ZDHHC23: variants seen among roughly 807,000 people sequenced by gnomAD.
The protein encoded by ZDHHC23 is palmitoyltransferase ZDHHC23.
In ZDHHC23, 41 loss-of-function variants were observed where a neutral mutation model predicts 40.2. The observed-to-expected ratio is 1.02, with a 90% CI of 0.79 to 1.32. ZDHHC23 has a LOEUF of 1.32. ZDHHC23 is among the 40% of genes most tolerant of loss of function. The probability of loss-of-function intolerance (pLI) is 0.00; values close to 1 mark genes in which losing one functional copy is unlikely to be tolerated. For missense variants in ZDHHC23, 471 were observed against 541.5 expected (o/e 0.87, Z 1.29); for synonymous variants, 204 against 210.2 (o/e 0.97, Z 0.26).
the ZDHHC23 span, among the ~76,000 whole-genome samples, chr3:113,970,874 A>G: frequency 6.6e-6 from 1 of 152,008 alleles, no homozygotes; most frequent in Non-Finnish European, 1.5e-5. Flanking sequence ...AGCTTCATCC[A>G]TGTCCCTACA....
At position 113,962,235 on chromosome 3, in the gene ZDHHC23, C is replaced by T. The variant is rs1176681340; in HGVS notation, c.*3605C>T. The T allele has an allele frequency of 6.6e-6, 1 of 152,194 alleles. No individual in the cohort carries two copies. Among genetic ancestry groups the T allele is most frequent in the Non-Finnish European group, 1.5e-5 (1 of 68,032 alleles). The allele number at this position is 152,194 out of a possible 1,614,324, so 9.4% of individuals were successfully genotyped here. ...CTACTGAGTACGATTCAGTATGTTC[C>T]TGTGGATGTCTGCTGTGACTAATAT... On this transcript the variant is annotated 3_prime_UTR_variant, in exon 5 of 5. Coordinates refer to ENST00000638807, the MANE Select transcript of ZDHHC23 (RefSeq NM_001320466.2).
downstream of ZDHHC23, among the ~76,000 whole-genome samples, chr3:113,969,545 C>G (rs979172967): frequency 2.0e-5 from 3 of 152,130 alleles, no homozygotes; most frequent in Admixed American, 2.0e-4. Context: ...AGAAAGGGGT[C>G]TCATTTCATT....
In ZDHHC23 at chr3:113,956,320, T is replaced by C; in HGVS notation, c.873-19T>C. On this transcript the variant is annotated intron_variant, in intron 3 of 4. Transcript: ENST00000638807. ...CTTAAAAATGTGTTTGCTTTTTTATTTCTCTATGCTGTTTTGAGGATAAAT... is the reference window on the plus strand; with the variant it reads ...CTTAAAAATGTGTTTGCTTTTTTATCTCTCTATGCTGTTTTGAGGATAAAT... 6.3e-7 allele frequency: 1 copy of C among 1,596,212 alleles called. No individual in the cohort carries two copies.
chr3:113,957,580 C>G (rs1191741707), intron 4 of ZDHHC23: 7 of 420,430 alleles, frequency 1.7e-5, no homozygotes, highest in African/African-American at 1.4e-4. Flanking sequence ...TCTCACCCTG[C>G]TCTGTGCAGG....
At chr3:113,978,359 A>T in the ZDHHC23 span, 1 of 1,609,818 alleles carries the variant, frequency 6.2e-7, no homozygotes, top group South Asian at 1.1e-5. Context: ...AATAAAAGTG[A>T]GACAAAAAAT....
downstream of ZDHHC23, among the ~76,000 whole-genome samples, chr3:113,969,437 G>A (rs1225117669): frequency 6.6e-6 from 1 of 152,148 alleles, no homozygotes; most frequent in Admixed American, 6.5e-5. Context: ...CCAGTGGCCT[G>A]GAGCATTGTC....
the ZDHHC23 span, chr3:113,978,391 G>T: frequency 6.6e-7 from 1 of 1,522,032 alleles, no homozygotes; most frequent in South Asian, 1.1e-5. Context: ...AAGAATTAGA[G>T]CAAATAAACA....
At chr3:113,974,481 G>A in the ZDHHC23 span, among the ~76,000 whole-genome samples, 3 of 151,916 alleles carry the variant, frequency 2.0e-5, no homozygotes, top group Admixed American at 6.6e-5. Flanking sequence ...CACCATGCCT[G>A]GCTAATTTTT....
intron 4 of ZDHHC23, chr3:113,957,710 G>C (rs561906782): frequency 9.7e-6 from 5 of 517,388 alleles, no homozygotes; most frequent in Middle Eastern, 3.2e-4. Flanking sequence ...CTTAATTTGC[G>C]AATGTTGGAA....
Position 113,954,240 on chromosome 3 carries a change from C to A in ZDHHC23, c.702C>A (p.Asn234Lys). Residue 234 changes from asparagine (N) to lysine (K), a missense_variant, in exon 3 of 5, where the codon AAC (asparagine) becomes AAA (lysine). Asn to Lys is a moderately conservative substitution (Grantham distance 94, BLOSUM62 0). Coordinates refer to ENST00000638807, the MANE Select transcript of ZDHHC23 (RefSeq NM_001320466.2). Reference protein sequence around the residue: ...FPGADMSGSLNNRTTKDDPKG... With the variant: ...FPGADMSGSLKNRTTKDDPKG... ...GGGCAGACATGTCGGGCAGTCTCAACAATCGCACAACAAAGGATGACCCCA... is the reference window on the plus strand; with the variant it reads ...GGGCAGACATGTCGGGCAGTCTCAAAAATCGCACAACAAAGGATGACCCCA... The A allele has an allele frequency of 6.2e-7, 1 of 1,614,220 alleles. No homozygotes were observed. Among genetic ancestry groups the A allele is most frequent in the East Asian group, 2.2e-5 (1 of 44,886 alleles).
Position 113,959,635 on chromosome 3 carries a change from T to C in ZDHHC23, c.*1005T>C. 1.7e-6 allele frequency: 2 copies of C among 1,172,630 alleles called. No homozygotes were observed. The highest frequency in any genetic ancestry group is 3.2e-5 in the South Asian group (2 of 62,582). 72.6% of individuals were successfully genotyped at this position (1,172,630 alleles called of 1,614,324 possible). Reference sequence around the variant, plus strand: ...CTGAGTAACATCACGGGCTCGATTATTTTCTTCATGTATTTCAAATGCTGT... The same window carrying C: ...CTGAGTAACATCACGGGCTCGATTACTTTCTTCATGTATTTCAAATGCTGT... On this transcript the variant is annotated 3_prime_UTR_variant, in exon 5 of 5. Coordinates refer to ENST00000638807, the MANE Select transcript of ZDHHC23 (RefSeq NM_001320466.2).
At chr3:113,977,160 C>T in the ZDHHC23 span, among the ~76,000 whole-genome samples, 5 of 152,058 alleles carry the variant, frequency 3.3e-5, no homozygotes, top group Admixed American at 6.6e-5. Context: ...AGCCGGGTGT[C>T]GTGGTGTGTG....
Position 113,962,701 on chromosome 3 carries a change from T to C in ZDHHC23, c.*4071T>C, listed in dbSNP as rs1332279421. On this transcript the variant is annotated 3_prime_UTR_variant, in exon 5 of 5. Transcript: ENST00000638807. Reference sequence around the variant, plus strand: ...TTTTATTGCATATCTGGGTTGGATGTTAGACTAAAGGAAACCCAGGAATAT... The same window carrying C: ...TTTTATTGCATATCTGGGTTGGATGCTAGACTAAAGGAAACCCAGGAATAT... The C allele has an allele frequency of 6.6e-6, 1 of 152,200 alleles. No homozygotes were observed. Among genetic ancestry groups the C allele is most frequent in the African/African-American group, 2.4e-5 (1 of 41,432 alleles). 9.4% of individuals were successfully genotyped at this position (152,200 alleles called of 1,614,324 possible). A position where few individuals can be genotyped will look rare whatever the true frequency, so the allele number is the denominator to read the frequency against.
At chr3:113,966,759 TA>T (rs1051997737), downstream of ZDHHC23, among the ~76,000 whole-genome samples, 1 of 152,082 alleles carries the variant, frequency 6.6e-6, no homozygotes, top group Admixed American at 6.6e-5. Flanking sequence ...GGCTGTTGGT[TA>T]ATATTTTTGA....
downstream of ZDHHC23, among the ~76,000 whole-genome samples, chr3:113,963,817 T>C (rs1577284970): frequency 6.6e-6 from 1 of 152,302 alleles, no homozygotes; most frequent in East Asian, 1.9e-4. Context: ...TCAGCCAGTA[T>C]TTTGTAAATG....
rs76078504 is a variant in ZDHHC23 at position 113,959,399 on chromosome 3, T to C, written c.*769T>C. 2,004 of 1,192,562 alleles carry C rather than the reference T, an allele frequency of 1.7e-3. 24 individuals carry two copies. The African/African-American group carries it at 0.027, about 16-fold the overall frequency. 73.9% of individuals were successfully genotyped at this position (1,192,562 alleles called of 1,614,324 possible). A position where few individuals can be genotyped will look rare whatever the true frequency, so the allele number is the denominator to read the frequency against. On this transcript the variant is annotated 3_prime_UTR_variant, in exon 5 of 5. Coordinates refer to ENST00000638807, the MANE Select transcript of ZDHHC23 (RefSeq NM_001320466.2). ...AAAGATAATTATTGCTAGTGTAATG[T>C]AGTGTGGCCATGAGTTTAGGTGATG...
rs780354415 is a variant in ZDHHC23, at chr3:113,954,276, C to T, written c.738C>T (p.Ser246=). ...CAAAGGATGACCCCAAGGGCTCTTCCAAGATGCCAGCTGGAAGCCCCACCA... is the reference window on the plus strand; with the variant it reads ...CAAAGGATGACCCCAAGGGCTCTTCTAAGATGCCAGCTGGAAGCCCCACCA... The part of the protein sequence containing the change: ...RTTKDDPKGS[S]KMPAGSPTKA... Residue 246 remains serine, a synonymous_variant, in exon 3 of 5, where the codon TCC becomes TCT. Transcript: ENST00000638807. 2 of 1,614,136 alleles carry T rather than the reference C, an allele frequency of 1.2e-6. No individual in the cohort carries two copies.
the ZDHHC23 span, chr3:113,978,873 G>T: frequency 6.2e-7 from 1 of 1,613,946 alleles, no homozygotes; most frequent in Admixed American, 1.7e-5. Context: ...GCCAGCTCTG[G>T]ATGACTCTCT....
intron 3 of ZDHHC23, among the ~76,000 whole-genome samples, chr3:113,955,926 T>C (rs190973321): frequency 5.9e-5 from 9 of 152,354 alleles, no homozygotes; most frequent in Admixed American, 5.9e-4. Context: ...TCTTAATAAC[T>C]GGAATTTACA....
Sources: allele counts gnomAD v4.1 joint callset (sites outside exome capture counted in the v4.1 genomes callset), GRCh38; gene constraint gnomAD v4.1.1; transcripts MANE v1.5; gene names NCBI Gene and HGNC (gene_info 2026-07-23, HGNC 2026-07-21).